Variants in MYOF observed in about 807,000 individuals in gnomAD.
MYOF encodes the protein fer-1-like 3, myoferlin.
MYOF carries 244 observed loss-of-function variants against 284.2 expected under a neutral mutation model. The ratio of observed to expected loss-of-function variants is 0.86; its 90% CI spans 0.77 to 0.95. The LOEUF is 0.95. MYOF is among the 40% of genes least tolerant of loss of function. The probability of loss-of-function intolerance (pLI) is 0.00; values close to 1 mark genes in which losing one functional copy is unlikely to be tolerated. For synonymous variants in MYOF, 904 were observed against 919.7 expected (o/e 0.98, Z 0.31); for missense variants, 2,496 against 2,560.6 (o/e 0.97, Z 0.54).
intron 20 of MYOF, 96 bp from the exon 21 acceptor site, chr10:93,380,083 A>AC: frequency 1.4e-6 from 2 of 1,464,908 alleles, no homozygotes; most frequent in East Asian, 4.7e-5. Context: ...TGATTAATCC[A>AC]CAGGCTTGGG....
intron 3 of MYOF, among the ~76,000 whole-genome samples, chr10:93,441,338 C>G (rs116518140): frequency 1.3e-5 from 2 of 152,110 alleles, no homozygotes; most frequent in Non-Finnish European, 2.9e-5. Context: ...TTATTCCAAA[C>G]GCAGTCTTTT....
At chr10:93,374,643 A>G (rs1187131688) in intron 23 of MYOF, 120 bp downstream of exon 23, 1 of 1,005,808 alleles carries the variant, frequency 9.9e-7, no homozygotes, top group African/African-American at 1.6e-5. Context: ...ACAATCTGTC[A>G]GAGCTGCTCA....
chr10:93,312,767 C>T (rs540177703), intron 51 of MYOF, among the ~76,000 whole-genome samples: 20 of 152,198 alleles, frequency 1.3e-4, no homozygotes, highest in African/African-American at 4.6e-4. Context: ...AGTGAAACCA[C>T]CTGGGCTTCT....
intron 35 of MYOF, among the ~76,000 whole-genome samples, 177 bp downstream of exon 35, chr10:93,351,020 C>G (rs1420707446): frequency 6.6e-6 from 1 of 152,178 alleles, no homozygotes; most frequent in Non-Finnish European, 1.5e-5. Flanking sequence ...TTGACCTGTC[C>G]TTGTTGCTTC....
intron 1 of MYOF, among the ~76,000 whole-genome samples, chr10:93,460,067 A>G (rs11814709): frequency 6.6e-6 from 1 of 152,174 alleles, no homozygotes; most frequent in African/African-American, 2.4e-5. Context: ...GAAACTGAGC[A>G]CCCAGGCTTG....
rs766858227 is a variant in MYOF, at chr10:93,351,309, A to G, written c.3823-14T>C. ...GTTGGAGCCATCCTGTGAAACAAAC[A>G]TGGATATGTCAATGCCTCACTTTAG... On this transcript the variant is annotated splice_polypyrimidine_tract_variant and intron_variant, in intron 34 of 53. Transcript: ENST00000359263. 6.2e-6 allele frequency: 10 copies of G among 1,611,402 alleles called. No homozygotes were observed. In the East Asian group the frequency reaches 2.0e-4, roughly 32 times the overall value.
intron 5 of MYOF, among the ~76,000 whole-genome samples, chr10:93,410,195 C>T (rs1564696152): frequency 6.6e-6 from 1 of 152,146 alleles, no homozygotes; most frequent in Non-Finnish European, 1.5e-5. Flanking sequence ...CCTGCTTGAG[C>T]CTCCTAATTC....
At chr10:93,364,643 T>A (rs971639669) in intron 26 of MYOF, among the ~76,000 whole-genome samples, 10 of 152,176 alleles carry the variant, frequency 6.6e-5, no homozygotes, top group Non-Finnish European at 1.0e-4. Context: ...CATTTGGGCA[T>A]TTGGGAAATC....
At chr10:93,329,047 G>T in intron 44 of MYOF, 136 bp from the exon 45 acceptor site, 2 of 832,850 alleles carry the variant, frequency 2.4e-6, no homozygotes, top group Non-Finnish European at 3.5e-6. Context: ...TCTGACTTTG[G>T]CCTAGAAATC....
chr10:93,385,594 G>A (rs1846324917), intron 19 of MYOF, among the ~76,000 whole-genome samples: 2 of 152,086 alleles, frequency 1.3e-5, no homozygotes, highest in Non-Finnish European at 2.9e-5. Context: ...CTCTCTCCTG[G>A]GGCTCCTGTT....
At position 93,389,069 on chromosome 10, in the gene MYOF, C is replaced by T. The variant is rs769883324; in HGVS notation, c.1542G>A (p.Thr514=). Residue 514 remains threonine, a synonymous_variant, in exon 18 of 54, where the codon ACG becomes ACA. Transcript: ENST00000359263. ...LNLYGSPREY[T]GFPDPYDELN... is the part of the protein sequence containing the mutation. ...GCTCATCATAGGGGTCTGGGAATCCCGTGTACTCTCTGGGGCTTCCATAAA... is the reference window on the plus strand; with the variant it reads ...GCTCATCATAGGGGTCTGGGAATCCTGTGTACTCTCTGGGGCTTCCATAAA... 1.9e-5 allele frequency: 31 copies of T among 1,613,952 alleles called. No homozygotes were observed. Among genetic ancestry groups the T allele is most frequent in the Admixed American group, 1.3e-4 (8 of 59,986 alleles).
chr10:93,402,709 C>T (rs1847357116), intron 10 of MYOF, 151 bp downstream of exon 10: 23 of 645,676 alleles, frequency 3.6e-5, no homozygotes, highest in Middle Eastern at 8.2e-4. Context: ...TAAGTATCCT[C>T]TCCTCTCCCT....
At chr10:93,453,175 T>A (rs1275390094) in intron 2 of MYOF, among the ~76,000 whole-genome samples, 1 of 151,334 alleles carries the variant, frequency 6.6e-6, no homozygotes, top group African/African-American at 2.4e-5. Flanking sequence ...CCCAGCTAAT[T>A]TTTTTTTTGA....
chr10:93,352,801 GT>G (rs59848150), intron 32 of MYOF, among the ~76,000 whole-genome samples: 4 of 152,220 alleles, frequency 2.6e-5, no homozygotes, highest in African/African-American at 7.2e-5. Flanking sequence ...TTGGAAAGAT[GT>G]TTTTTTAACT....
intron 29 of MYOF, 62 bp downstream of exon 29, chr10:93,359,771 G>A: frequency 6.3e-7 from 1 of 1,596,682 alleles, no homozygotes; most frequent in Non-Finnish European, 8.6e-7. Flanking sequence ...CTAGTTAGCT[G>A]GGACTTTGTA....
At chr10:93,443,728 C>T (rs1178206879) in intron 3 of MYOF, among the ~76,000 whole-genome samples, 1 of 152,154 alleles carries the variant, frequency 6.6e-6, no homozygotes, top group Non-Finnish European at 1.5e-5. Context: ...CCAGCAAAGT[C>T]CAACATCTGA....
intron 35 of MYOF, among the ~76,000 whole-genome samples, chr10:93,350,401 C>A (rs1844450621): frequency 6.6e-6 from 1 of 152,112 alleles, no homozygotes; most frequent in African/African-American, 2.4e-5. Flanking sequence ...CAACCTCCAC[C>A]CCCTGAGTTC....
intron 21 of MYOF, 121 bp from the exon 22 acceptor site, chr10:93,377,550 A>G (rs997314122): frequency 1.4e-6 from 1 of 738,172 alleles, no homozygotes. Flanking sequence ...AACAAATAAA[A>G]TGAAACCAGC....
At chr10:93,477,789 G>T (rs951363109) in intron 1 of MYOF, among the ~76,000 whole-genome samples, 12 of 152,192 alleles carry the variant, frequency 7.9e-5, no homozygotes, top group African/African-American at 2.7e-4. Flanking sequence ...GGAGGTTGCA[G>T]TGAGCCGAGA....
Sources: allele counts gnomAD v4.1 joint callset (sites outside exome capture counted in the v4.1 genomes callset), GRCh38; gene constraint gnomAD v4.1.1; transcripts MANE v1.5; gene names NCBI Gene and HGNC (gene_info 2026-07-23, HGNC 2026-07-21).